The following SAMD4B variants were observed in gnomAD, a reference collection of about 807,000 sequenced individuals.
SAMD4B encodes the protein sterile alpha motif domain containing 4B, also known as protein Smaug homolog 2.
A neutral mutation model predicts 74.5 loss-of-function variants in SAMD4B; 5 were observed. The observed-to-expected ratio is 0.07, with a 90% CI of 0.04 to 0.14. SAMD4B has a LOEUF of 0.14. SAMD4B is among the 10% of genes least tolerant of loss of function. The probability of loss-of-function intolerance (pLI) is 1.00; values close to 1 mark genes in which losing one functional copy is unlikely to be tolerated. For missense variants in SAMD4B, 608 were observed against 921.8 expected (o/e 0.66, Z 4.41); for synonymous variants, 373 against 374.9 (o/e 1.00, Z 0.06).
Position 39,376,686 on chromosome 19 carries a change from C to G in SAMD4B, c.1018-19C>G. 6.2e-7 allele frequency: 1 copy of G among 1,612,454 alleles called. No homozygotes were observed. Among genetic ancestry groups the G allele is most frequent in the Non-Finnish European group, 8.5e-7 (1 of 1,178,558 alleles). Reference sequence around the variant, plus strand: ...GCCTCACATCTCTAGCTTCCTGTCCCCTTCTGCCCTTATCACAGAACGTCA... The same window carrying G: ...GCCTCACATCTCTAGCTTCCTGTCCGCTTCTGCCCTTATCACAGAACGTCA... On this transcript the variant is annotated intron_variant, in intron 6 of 13. Transcript: ENST00000610417.
intron 3 of SAMD4B, among the ~76,000 whole-genome samples, chr19:39,366,293 G>T (rs912460415): frequency 6.6e-6 from 1 of 152,058 alleles, no homozygotes; most frequent in Admixed American, 6.6e-5. Context: ...TCCAGCCTGG[G>T]CAACAAAGTG....
intron 3 of SAMD4B, among the ~76,000 whole-genome samples, chr19:39,361,719 G>T (rs1335508130): frequency 6.7e-6 from 1 of 149,426 alleles, no homozygotes; most frequent in Admixed American, 6.7e-5. Context: ...GTCAGGAGAT[G>T]GAGACCATCC....
rs2078156431 is a variant in SAMD4B, at chr19:39,383,916, G to C, written c.*389G>C. 3.4e-6 allele frequency: 2 copies of C among 583,764 alleles called. No homozygotes were observed. The highest frequency in any genetic ancestry group is 6.1e-6 in the Non-Finnish European group (2 of 328,782). 36.2% of individuals were successfully genotyped at this position (583,764 alleles called of 1,614,324 possible). ...GACAAACTGACCACTACCTTGTGGA[G>C]CCTGCTCAGAAACATTTGACATTTG... On this transcript the variant is annotated 3_prime_UTR_variant, in exon 14 of 14. Transcript: ENST00000610417. The surrounding 1 kb of genome is among the most constrained non-coding windows in gnomAD (Gnocchi z 4.1).
chr19:39,351,402 C>T (rs62119685), intron 1 of SAMD4B: 1,836 of 152,280 alleles, frequency 0.012, 11 homozygotes, highest in Non-Finnish European at 0.019. Context: ...GGAGAGACTT[C>T]TGTTATAGAG....
chr19:39,351,812 C>G (rs1388802293), intron 1 of SAMD4B: 2 of 152,096 alleles, frequency 1.3e-5, no homozygotes, highest in South Asian at 4.1e-4. Context: ...ACTTATTTTC[C>G]TTAGTAGTTC....
intron 9 of SAMD4B, among the ~76,000 whole-genome samples, chr19:39,379,056 C>CT (rs749806552): frequency 0.019 from 2,658 of 140,376 alleles, 18 homozygotes; most frequent in African/African-American, 0.022. Context: ...CTCTCTCTCT[C>CT]TTTTTTTTTT....
Position 39,373,900 on chromosome 19 carries a change from G to A in SAMD4B, c.668-1750G>A, listed in dbSNP as rs112323604. Among the ~76,000 whole-genome samples the A allele has an allele frequency of 6.1e-3, 927 of 152,180 alleles. 9 individuals are homozygous for A. Among genetic ancestry groups the A allele is most frequent in the African/African-American group, 0.021 (882 of 41,512 alleles). On this transcript the variant is annotated intron_variant, in intron 4 of 13. Transcript: ENST00000610417. ...AATTGCTTGAACCCGGGAGGCAGAGGTTGCAGTGAGCCGAGATTGTGCCAC... is the reference window on the plus strand; with the variant it reads ...AATTGCTTGAACCCGGGAGGCAGAGATTGCAGTGAGCCGAGATTGTGCCAC...
chr19:39,369,203 A>G (rs1345746231), intron 3 of SAMD4B: 1 of 163,044 alleles, frequency 6.1e-6, no homozygotes, highest in Non-Finnish European at 1.3e-5. Flanking sequence ...GGCTGAGGCA[A>G]GAGGATTGCC....
In SAMD4B at chr19:39,361,443, C is replaced by T. The variant is rs999554567; in HGVS notation, c.196+4354C>T. On this transcript the variant is annotated intron_variant, in intron 3 of 13. Transcript: ENST00000610417. ...CATCCTGGCTAAAATGGTGAAACCC[C>T]GTCTCTACTAAAAATACAAAAAATT... 2.0e-5 allele frequency among the ~76,000 whole-genome samples: 3 copies of T among 150,726 alleles called. 1 individual carries two copies. The South Asian group carries it at 6.3e-4, about 32-fold the overall frequency.
intron 3 of SAMD4B, among the ~76,000 whole-genome samples, chr19:39,367,205 C>T (rs1275386642): frequency 3.3e-5 from 5 of 152,176 alleles, no homozygotes; most frequent in Non-Finnish European, 7.3e-5. Context: ...TTTCATCACC[C>T]ACTCCTTTGG....
At chr19:39,370,537 C>G (rs1025833030) in intron 4 of SAMD4B, among the ~76,000 whole-genome samples, 1 of 152,174 alleles carries the variant, frequency 6.6e-6, no homozygotes, top group Non-Finnish European at 1.5e-5. Flanking sequence ...CCCTAGTCTG[C>G]CTCTGCTCCC....
chr19:39,357,742 C>T (rs1445410224), intron 3 of SAMD4B, among the ~76,000 whole-genome samples: 1 of 152,152 alleles, frequency 6.6e-6, no homozygotes, highest in East Asian at 1.9e-4. Flanking sequence ...GTCTGGGCCT[C>T]CACAGGGCTG....
At chr19:39,361,735 A>G (rs915063555) in intron 3 of SAMD4B, among the ~76,000 whole-genome samples, 2 of 151,942 alleles carry the variant, frequency 1.3e-5, no homozygotes, top group Non-Finnish European at 2.9e-5. Flanking sequence ...CATCCTGGCT[A>G]ACACGGTGAA....
intron 3 of SAMD4B, among the ~76,000 whole-genome samples, chr19:39,364,150 A>T (rs1568353893): frequency 6.6e-6 from 1 of 152,198 alleles, no homozygotes; most frequent in Non-Finnish European, 1.5e-5. Context: ...TCCTGCATTG[A>T]GCCCAACCCT....
In SAMD4B at chr19:39,342,424, G is replaced by T; in HGVS notation, c.-419G>T. The stretch of plus-strand genomic sequence containing the variant: ...GCGGGGCCAGGGGCGGTGACGCACG[G>T]CGCGGTGACGCAGCGCGACGGCGGC... On this transcript the variant is annotated 5_prime_UTR_variant, in exon 1 of 14. Transcript: ENST00000610417. The T allele has an allele frequency of 5.7e-6, 1 of 175,700 alleles. No individual in the cohort carries two copies. The highest frequency in any genetic ancestry group is 6.4e-5 in the Admixed American group (1 of 15,684). 10.9% of individuals were successfully genotyped at this position (175,700 alleles called of 1,614,324 possible).
chr19:39,387,855 T>C, downstream of SAMD4B, among the ~76,000 whole-genome samples: 1 of 152,216 alleles, frequency 6.6e-6, no homozygotes, highest in East Asian at 1.9e-4. Flanking sequence ...TAAGATATTC[T>C]GGCTGGGCGT....
At chr19:39,381,265 G>T (rs1241075115) in intron 12 of SAMD4B, 152 bp downstream of exon 12, 2 of 918,950 alleles carry the variant, frequency 2.2e-6, no homozygotes, top group Non-Finnish European at 1.6e-6. Context: ...CCCCAATTGT[G>T]GGGGGTTGTT....
chr19:39,379,137 C>T (rs1202555072), intron 9 of SAMD4B, among the ~76,000 whole-genome samples: 3 of 151,932 alleles, frequency 2.0e-5, no homozygotes, highest in African/African-American at 7.3e-5. Context: ...ATCCTTCCAC[C>T]TCAGCCTCCC....
chr19:39,349,944 C>T (rs2075931801), intron 1 of SAMD4B: 2 of 152,210 alleles, frequency 1.3e-5, no homozygotes, highest in African/African-American at 4.8e-5. Flanking sequence ...GCTCTGAAGC[C>T]AGACTGCCTG....
Sources: gnomAD v4.1 joint callset for allele counts (sites outside exome capture counted in the v4.1 genomes callset) on GRCh38, gnomAD v4.1.1 for gene constraint, Gnocchi (gnomAD v3.1) non-coding constraint, MANE v1.5 for transcripts, NCBI Gene and HGNC (gene_info 2026-07-23, HGNC 2026-07-21) for gene names.